The following HNRNPM variants were observed in gnomAD, a reference collection of about 807,000 sequenced individuals.
The protein encoded by HNRNPM is CEA receptor.
A neutral mutation model predicts 73.1 loss-of-function variants in HNRNPM; 11 were observed. The observed-to-expected ratio is 0.15, with a 90% CI of 0.09 to 0.25. The LOEUF is 0.25. Among genes scored for constraint, HNRNPM ranks in the 10% least tolerant of loss-of-function variants. The pLI is 1.00. For missense variants in HNRNPM, 789 were observed against 1,067.9 expected (o/e 0.74, Z 3.64); for synonymous variants, 407 against 355.2 (o/e 1.15, Z -1.64).
At chr19:8,478,155 G>T (rs951377684) in intron 12 of HNRNPM, among the ~76,000 whole-genome samples, 1 of 152,320 alleles carries the variant, frequency 6.6e-6, no homozygotes, top group African/African-American at 2.4e-5. Flanking sequence ...ATTGTGGTTT[G>T]TGTGGCTGTA....
chr19:8,446,605 G>A (rs980868176), intron 1 of HNRNPM, among the ~76,000 whole-genome samples: 2 of 152,080 alleles, frequency 1.3e-5, no homozygotes, highest in Non-Finnish European at 2.9e-5. Context: ...GTCTCCGGGT[G>A]TTGCCCAGGC....
At chr19:8,445,719 C>T (rs1568251729) in intron 1 of HNRNPM, 1 of 152,536 alleles carries the variant, frequency 6.6e-6, no homozygotes, top group Admixed American at 6.5e-5. Context: ...CCGCCCCTCG[C>T]CCCACGCTCT....
Position 8,462,686 on chromosome 19 carries a change from T to G in HNRNPM, c.336+105T>G, listed in dbSNP as rs931423640. 2 of 943,882 alleles carry G rather than the reference T, an allele frequency of 2.1e-6. No individual in the cohort carries two copies. The highest frequency in any genetic ancestry group is 3.5e-6 in the Non-Finnish European group (2 of 574,536). 58.5% of individuals were successfully genotyped at this position (943,882 alleles called of 1,614,324 possible). A position where few individuals can be genotyped will look rare whatever the true frequency, so the allele number is the denominator to read the frequency against. ...TCAGGAAGGCAGTGAGTGCTCATGT[T>G]ACAGTAGCTATGTTTGATTTTGCCA... On this transcript the variant is annotated intron_variant, in intron 3 of 15. Transcript: ENST00000325495. The surrounding 1 kb of genome is among the most constrained non-coding windows in gnomAD (Gnocchi z 4.5).
intron 1 of HNRNPM, among the ~76,000 whole-genome samples, chr19:8,454,454 G>A (rs934516784): frequency 7.2e-5 from 11 of 152,156 alleles, no homozygotes; most frequent in African/African-American, 2.7e-4. Context: ...TGGATAGTCC[G>A]TGTTTTGTTT....
intron 10 of HNRNPM, among the ~76,000 whole-genome samples, chr19:8,473,103 C>T (rs1393686187): frequency 6.6e-6 from 1 of 151,952 alleles, no homozygotes; most frequent in East Asian, 1.9e-4. Context: ...TAAAAAAAAT[C>T]AGCCAGGTGT....
At chr19:8,454,588 A>G (rs554630973) in intron 1 of HNRNPM, among the ~76,000 whole-genome samples, 3 of 151,732 alleles carry the variant, frequency 2.0e-5, no homozygotes, top group South Asian at 4.2e-4. Flanking sequence ...GTGTATACCT[A>G]GCAGTGGAAT....
intron 12 of HNRNPM, among the ~76,000 whole-genome samples, chr19:8,481,730 G>A (rs1265780728): frequency 6.6e-6 from 1 of 152,188 alleles, no homozygotes; most frequent in African/African-American, 2.4e-5. Context: ...GCCTAAAACA[G>A]AACAAAGCAA....
intron 1 of HNRNPM, 49 bp from the exon 2 acceptor site, chr19:8,455,356 G>A (rs199838064): frequency 1.4e-6 from 2 of 1,452,632 alleles, no homozygotes; most frequent in Admixed American, 3.9e-5. Context: ...CTTTCACATT[G>A]TGCTGACATA....
At chr19:8,447,712 C>T (rs1342390976) in intron 1 of HNRNPM, among the ~76,000 whole-genome samples, 1 of 152,078 alleles carries the variant, frequency 6.6e-6, no homozygotes, top group Non-Finnish European at 1.5e-5. Flanking sequence ...TGGTGAAACC[C>T]TGTCTCTACC....
intron 8 of HNRNPM, 44 bp from the exon 9 acceptor site, chr19:8,468,729 TG>T (rs1568280178): frequency 6.7e-7 from 1 of 1,488,988 alleles, no homozygotes; most frequent in Admixed American, 1.7e-5. Context: ...TTGCAAACAC[TG>T]CTGCACTGGA....
At chr19:8,487,172 G>A (rs752802026) in intron 15 of HNRNPM, 97 bp downstream of exon 15, 2 of 1,030,016 alleles carry the variant, frequency 1.9e-6, no homozygotes, top group South Asian at 1.3e-5. Context: ...CCCTCCGTCG[G>A]CTCAGGACCC....
chr19:8,489,034 A>AATG lies in HNRNPM; in HGVS notation c.*181_*183dup. 1.8e-6 allele frequency: 1 copy of AATG among 563,252 alleles called. No individual in the cohort carries two copies. The highest frequency in any genetic ancestry group is 3.1e-6 in the Non-Finnish European group (1 of 323,738). The allele number at this position is 563,252 out of a possible 1,614,324, so 34.9% of individuals were successfully genotyped here. Reference sequence around the variant, plus strand: ...ATTTGACTGTTTGCATTGAGATTGCAATGTGCGCAATTTTTTTTGTAGTTG... The same window carrying AATG: ...ATTTGACTGTTTGCATTGAGATTGCAATGATGTGCGCAATTTTTTTTGTAGTTG... On this transcript the variant is annotated 3_prime_UTR_variant, in exon 16 of 16. Transcript: ENST00000325495.
chr19:8,463,862 G>C, intron 5 of HNRNPM, 176 bp downstream of exon 5: 2 of 577,044 alleles, frequency 3.5e-6, no homozygotes, highest in Non-Finnish European at 6.2e-6. Context: ...CAAGGACTTT[G>C]GGGTGGTGGC....
intron 1 of HNRNPM, among the ~76,000 whole-genome samples, chr19:8,453,588 GT>G (rs138410474): frequency 1.3e-5 from 2 of 151,824 alleles, no homozygotes; most frequent in Non-Finnish European, 2.9e-5. Flanking sequence ...TGGCTTTTTG[GT>G]TTTTTTTCCG....
intron 12 of HNRNPM, among the ~76,000 whole-genome samples, chr19:8,479,529 A>G (rs957251472): frequency 1.3e-5 from 2 of 152,010 alleles, no homozygotes; most frequent in Admixed American, 1.3e-4. Context: ...TACAGTGGGT[A>G]TGATCTCACT....
chr19:8,465,035 T>C (rs528321994), intron 5 of HNRNPM, among the ~76,000 whole-genome samples: 48 of 152,348 alleles, frequency 3.2e-4, no homozygotes, highest in African/African-American at 1.1e-3. Flanking sequence ...TTCTACATTA[T>C]ATCAGCTAAT....
chr19:8,479,069 T>C (rs575425137), intron 12 of HNRNPM, among the ~76,000 whole-genome samples: 6 of 131,240 alleles, frequency 4.6e-5, no homozygotes, highest in Admixed American at 1.8e-4. Context: ...TCCTCTTTTT[T>C]CTTTCTTTCT....
intron 12 of HNRNPM, among the ~76,000 whole-genome samples, chr19:8,476,867 C>T (rs57549366): frequency 0.016 from 2,379 of 151,382 alleles, 42 homozygotes; most frequent in African/African-American, 0.034. Flanking sequence ...CTGTCCCTGC[C>T]GCCGTCCCCC....
At chr19:8,479,051 C>T (rs1970707999) in intron 12 of HNRNPM, among the ~76,000 whole-genome samples, 1 of 142,682 alleles carries the variant, frequency 7.0e-6, no homozygotes, top group African/African-American at 2.6e-5. Flanking sequence ...GGTGGCAGAG[C>T]AATTTCCTCC....
Sources: allele counts gnomAD v4.1 joint callset (sites outside exome capture counted in the v4.1 genomes callset), GRCh38; gene constraint gnomAD v4.1.1; non-coding constraint Gnocchi (gnomAD v3.1); transcripts MANE v1.5; gene names NCBI Gene and HGNC (gene_info 2026-07-23, HGNC 2026-07-21).